The following HPF1 variants were observed in gnomAD, a reference collection of about 807,000 sequenced individuals.
HPF1 encodes the protein histone PARylation factor 1.
In HPF1, 35 loss-of-function variants were observed where a neutral mutation model predicts 38.8. The observed-to-expected ratio is 0.90, with a 90% CI of 0.69 to 1.19. HPF1 has a LOEUF of 1.19. Among genes scored for constraint, HPF1 ranks in the 50% most tolerant of loss-of-function variants. The pLI is 0.00. For missense variants in HPF1, 367 were observed against 405.8 expected (o/e 0.90, Z 0.82); for synonymous variants, 115 against 139.2 (o/e 0.83, Z 1.22).
intron 4 of HPF1, among the ~76,000 whole-genome samples, chr4:169,742,961 C>T (rs1013257127): frequency 2.0e-5 from 3 of 151,416 alleles, no homozygotes; most frequent in Non-Finnish European, 4.4e-5. Context: ...ATTAGCTGGG[C>T]ATGGTGGCAT....
At chr4:169,749,435 T>C (rs1303861284) in intron 3 of HPF1, among the ~76,000 whole-genome samples, 3 of 152,166 alleles carry the variant, frequency 2.0e-5, no homozygotes, top group Non-Finnish European at 4.4e-5. Context: ...GATGATTACA[T>C]TGTAGTGGTA....
Position 169,755,070 on chromosome 4 carries a change from C to A in HPF1, c.49-1235G>T, listed in dbSNP as rs796666092. Among the ~76,000 whole-genome samples, 77 of 128,068 alleles carry A rather than the reference C, an allele frequency of 6.0e-4. 3 individuals carry two copies. The highest frequency in any genetic ancestry group is 2.5e-3 in the African/African-American group (64 of 25,198). The allele number at this position is 128,068 out of a possible 152,430, so 84.0% of individuals were successfully genotyped here. A position where few individuals can be genotyped will look rare whatever the true frequency, so the allele number is the denominator to read the frequency against. Reference sequence around the variant, plus strand: ...CCTAATGCTATCCCTCCCCCCGCCCCCTCATATTTATATTCTTCTATTTTC... The same window carrying A: ...CCTAATGCTATCCCTCCCCCCGCCCACTCATATTTATATTCTTCTATTTTC... On this transcript the variant is annotated intron_variant, in intron 1 of 7. Coordinates refer to ENST00000393381, the MANE Select transcript of HPF1 (RefSeq NM_017867.3).
chr4:169,757,931 C>T lies in HPF1; in HGVS notation c.-54G>A. 4.0e-6 allele frequency: 6 copies of T among 1,512,910 alleles called. No homozygotes were observed. Among genetic ancestry groups the T allele is most frequent in the Middle Eastern group, 1.7e-4 (1 of 5,902 alleles). 93.7% of individuals were successfully genotyped at this position (1,512,910 alleles called of 1,614,324 possible). A position where few individuals can be genotyped will look rare whatever the true frequency, so the allele number is the denominator to read the frequency against. On this transcript the variant is annotated 5_prime_UTR_variant, in exon 1 of 8. Transcript: ENST00000393381. ...CCGATCCGCGGCCGCTTCCGAGCGC[C>T]GCCAACCGCTTCCGGGTTCAAAAGC...
chr4:169,729,769 G>A (rs1733806141), intron 7 of HPF1, 60 bp from the exon 8 acceptor site: 1 of 1,206,436 alleles, frequency 8.3e-7, no homozygotes. Context: ...ATAAGTAGCA[G>A]AAAATATATC....
chr4:169,734,689 T>C (rs929216573), intron 6 of HPF1, among the ~76,000 whole-genome samples: 4 of 152,162 alleles, frequency 2.6e-5, no homozygotes, highest in African/African-American at 9.7e-5. Flanking sequence ...ATTTAATGAG[T>C]TAGGAGTTTC....
chr4:169,755,059 T>TCCCC (rs147029791), intron 1 of HPF1, among the ~76,000 whole-genome samples: 29 of 118,624 alleles, frequency 2.4e-4, no homozygotes, highest in Non-Finnish European at 3.2e-4. Flanking sequence ...ATGCTATCCC[T>TCCCC]CCCCCCGCCC....
chr4:169,750,431 C>T (rs1300347832), intron 3 of HPF1, 105 bp downstream of exon 3: 1 of 798,764 alleles, frequency 1.3e-6, no homozygotes, highest in African/African-American at 1.8e-5. Context: ...TATCCACCAA[C>T]AGGGGAAAAT....
In HPF1 at chr4:169,746,967, T is replaced by C. The variant is rs1734056482; in HGVS notation, c.497+1777A>G. Among the ~76,000 whole-genome samples, 3 of 138,444 alleles carry C rather than the reference T, an allele frequency of 2.2e-5. No homozygotes were observed. The East Asian group carries it at 6.2e-4, about 29-fold the overall frequency. The allele number at this position is 138,444 out of a possible 152,430, so 90.8% of individuals were successfully genotyped here. A position where few individuals can be genotyped will look rare whatever the true frequency, so the allele number is the denominator to read the frequency against. On this transcript the variant is annotated intron_variant, in intron 4 of 7. Coordinates refer to ENST00000393381, the MANE Select transcript of HPF1 (RefSeq NM_017867.3). Reference sequence around the variant, plus strand: ...CAGAAGAGTCTTGGGTTATGTTACATGACCACTATTATGTTATCTTTTTTT... The same window carrying C: ...CAGAAGAGTCTTGGGTTATGTTACACGACCACTATTATGTTATCTTTTTTT...
chr4:169,743,292 T>C (rs1734002402), intron 4 of HPF1, among the ~76,000 whole-genome samples: 1 of 151,232 alleles, frequency 6.6e-6, no homozygotes, highest in South Asian at 2.1e-4. Flanking sequence ...GTATTTTTAG[T>C]GGAGACAGGG....
At chr4:169,736,251 T>C (rs746757254) in intron 6 of HPF1, among the ~76,000 whole-genome samples, 3 of 150,840 alleles carry the variant, frequency 2.0e-5, no homozygotes, top group South Asian at 2.1e-4. Flanking sequence ...AACCCACCAA[T>C]TAGCCAGGCA....
intron 3 of HPF1, 98 bp downstream of exon 3, chr4:169,750,438 A>C: frequency 2.3e-6 from 2 of 868,756 alleles, no homozygotes. Context: ...CAACAGGGGA[A>C]AATATGCCTT....
At chr4:169,757,774 G>A in intron 1 of HPF1, 56 bp downstream of exon 1, 11 of 1,459,110 alleles carry the variant, frequency 7.5e-6, no homozygotes, top group Admixed American at 1.9e-5. Flanking sequence ...GCCTCCTGGT[G>A]CCCTGGCTGT....
Position 169,753,791 on chromosome 4 carries a change from AG to A in HPF1, c.92del (p.Ala31ValfsTer11). On this transcript the variant is annotated frameshift_variant, in exon 2 of 8. Transcript: ENST00000393381. LOFTEE classifies it high-confidence loss of function. ...TDVKKSKFCE[A>X]DVSSDLRKEV... The stretch of plus-strand genomic sequence containing the variant: ...CTTTTCGAAGGTCACTGGAGACATC[AG>A]CTTCACAGAATTTACTTTTCTTCAC... 1.9e-6 allele frequency: 3 copies of A among 1,611,680 alleles called. No individual in the cohort carries two copies. In the South Asian group the frequency reaches 3.3e-5, roughly 18 times the overall value.
chr4:169,753,926 G>T, intron 1 of HPF1, 91 bp from the exon 2 acceptor site: 2 of 966,858 alleles, frequency 2.1e-6, no homozygotes, highest in Non-Finnish European at 3.1e-6. Flanking sequence ...CCAACTCTAT[G>T]AAATACATGT....
At chr4:169,747,674 A>G (rs188206529) in intron 4 of HPF1, among the ~76,000 whole-genome samples, 6 of 152,256 alleles carry the variant, frequency 3.9e-5, no homozygotes, top group Non-Finnish European at 5.9e-5. Flanking sequence ...CCCCTTCCCC[A>G]TGAAAGTTCA....
rs537678108 is a variant in HPF1 at position 169,742,928 on chromosome 4, C to T, written c.498-821G>A. 2.0e-5 allele frequency among the ~76,000 whole-genome samples: 3 copies of T among 151,894 alleles called. No homozygotes were observed. The South Asian group carries it at 6.3e-4, about 32-fold the overall frequency. ...CCAACCTGGCCAACATAGTGAAACC[C>T]TGTCTCCACCAAAAATACAAAAATT... On this transcript the variant is annotated intron_variant, in intron 4 of 7. Transcript: ENST00000393381.
intron 6 of HPF1, among the ~76,000 whole-genome samples, chr4:169,732,534 A>G (rs1345887373): frequency 6.6e-6 from 1 of 152,216 alleles, no homozygotes; most frequent in East Asian, 1.9e-4. Context: ...GAGTTGGCAA[A>G]CTTTGGGCAA....
chr4:169,755,263 A>G (rs554963244), intron 1 of HPF1, among the ~76,000 whole-genome samples: 1 of 152,320 alleles, frequency 6.6e-6, no homozygotes, highest in Admixed American at 6.5e-5. Flanking sequence ...ATAGACTATT[A>G]CACTTAATAT....
intron 2 of HPF1, among the ~76,000 whole-genome samples, chr4:169,751,909 T>C (rs957646157): frequency 1.3e-4 from 20 of 152,154 alleles, no homozygotes; most frequent in African/African-American, 4.8e-4. Context: ...CATGAACAGA[T>C]ACAAACATGT....
Sources: allele counts gnomAD v4.1 joint callset (sites outside exome capture counted in the v4.1 genomes callset), GRCh38; gene constraint gnomAD v4.1.1; transcripts MANE v1.5; gene names NCBI Gene and HGNC (gene_info 2026-07-23, HGNC 2026-07-21).